SOX5: variants seen among roughly 807,000 people sequenced by gnomAD.
SOX5 encodes the protein SRY-box transcription factor 5, also known as transcription factor SOX-5.
SOX5 carries 9 observed loss-of-function variants against 92.0 expected under a neutral mutation model. That is an observed-to-expected ratio of 0.10 (90% CI 0.06 to 0.17). The LOEUF (loss-of-function observed/expected upper bound fraction) is 0.17. SOX5 is among the 10% of genes least tolerant of loss of function. SOX5 has a pLI of 1.00. For synonymous variants in SOX5, 344 were observed against 336.3 expected (o/e 1.02, Z -0.25); for missense variants, 642 against 944.5 (o/e 0.68, Z 4.20).
intron 9 of SOX5, among the ~76,000 whole-genome samples, chr12:23,603,182 T>G (rs1425601598): frequency 6.6e-6 from 1 of 151,862 alleles, no homozygotes; most frequent in South Asian, 2.1e-4. Flanking sequence ...GATTGATTGA[T>G]CCCTTCTCCT....
intron 1 of SOX5, among the ~76,000 whole-genome samples, chr12:24,541,965 C>A (rs886771635): frequency 1.3e-5 from 2 of 152,182 alleles, no homozygotes; most frequent in Non-Finnish European, 2.9e-5. Flanking sequence ...GACAACATTT[C>A]TTACTTAGGC....
chr12:24,076,411 CA>C (rs978743760), intron 4 of SOX5, among the ~76,000 whole-genome samples: 43 of 151,982 alleles, frequency 2.8e-4, no homozygotes, highest in African/African-American at 9.2e-4. Context: ...AGACTCTGAC[CA>C]AAAAAATCCA....
At chr12:23,968,608 C>G (rs538328124) in intron 4 of SOX5, among the ~76,000 whole-genome samples, 1 of 152,180 alleles carries the variant, frequency 6.6e-6, no homozygotes, top group African/African-American at 2.4e-5. Context: ...GATGCTGGCC[C>G]CTCAATCTTG....
At chr12:23,933,828 T>C (rs986163113) in intron 1 of SOX5, among the ~76,000 whole-genome samples, 5 of 151,390 alleles carry the variant, frequency 3.3e-5, no homozygotes, top group African/African-American at 7.3e-5. Flanking sequence ...GAGGTGGGAG[T>C]GCCCTCAATC....
At chr12:24,002,437 G>A (rs901854901) in intron 4 of SOX5, among the ~76,000 whole-genome samples, 15 of 152,114 alleles carry the variant, frequency 9.9e-5, no homozygotes, top group Admixed American at 7.9e-4. Context: ...ATTGAAAAAC[G>A]TGATGCTAAC....
intron 6 of SOX5, among the ~76,000 whole-genome samples, chr12:23,715,368 C>T (rs1363276064): frequency 6.6e-6 from 1 of 151,630 alleles, no homozygotes; most frequent in African/African-American, 2.4e-5. Context: ...GTTATTATAC[C>T]TAAGTATGAG....
chr12:24,450,001 T>G (rs1942033950), intron 1 of SOX5, among the ~76,000 whole-genome samples: 1 of 152,200 alleles, frequency 6.6e-6, no homozygotes, highest in Non-Finnish European at 1.5e-5. Flanking sequence ...ACCTTTCTTT[T>G]GACACACTCT....
intron 4 of SOX5, among the ~76,000 whole-genome samples, chr12:24,097,302 T>C (rs970406688): frequency 6.6e-6 from 1 of 152,188 alleles, no homozygotes. Flanking sequence ...TGCAAATACT[T>C]TCTCCCACTC....
In SOX5 at chr12:23,895,800, T is replaced by C. The variant is rs1197965504; in HGVS notation, c.263A>G (p.Asn88Ser). 6 of 1,607,682 alleles carry C rather than the reference T, an allele frequency of 3.7e-6. No homozygotes were observed. The highest frequency in any genetic ancestry group is 5.1e-6 in the Non-Finnish European group (6 of 1,174,174). The change falls in exon 2 of 15, where the codon AAT becomes AGT. Residue 88 changes from asparagine to serine, a missense_variant. By Grantham distance (46) the Asn-to-Ser change is conservative (BLOSUM62 1). Coordinates refer to ENST00000451604, the MANE Select transcript of SOX5 (RefSeq NM_006940.6). Reference protein sequence around the residue: ...CGHRTPTSQHNTMEVDGNKVM... With the variant: ...CGHRTPTSQHSTMEVDGNKVM... ...AAACCATGAGAAACCTACCATTGTATTGTGCTGAGAAGTGGGAGTCCTATG... is the reference window on the plus strand; with the variant it reads ...AAACCATGAGAAACCTACCATTGTACTGTGCTGAGAAGTGGGAGTCCTATG...
chr12:23,806,694 G>A (rs555317126), intron 3 of SOX5, among the ~76,000 whole-genome samples: 10 of 150,172 alleles, frequency 6.7e-5, no homozygotes, highest in Non-Finnish European at 1.2e-4. Context: ...AGTTGCAGTC[G>A]TTTTTGGCTT....
At chr12:24,143,837 A>G (rs1313522087) in intron 4 of SOX5, among the ~76,000 whole-genome samples, 2 of 151,468 alleles carry the variant, frequency 1.3e-5, no homozygotes, top group East Asian at 3.9e-4. Context: ...AAAGAGGAGG[A>G]GGAAGAGGAG....
At chr12:23,972,268 G>T (rs953562140) in intron 4 of SOX5, among the ~76,000 whole-genome samples, 3 of 152,104 alleles carry the variant, frequency 2.0e-5, no homozygotes, top group Non-Finnish European at 4.4e-5. Flanking sequence ...ACATTTCAGG[G>T]TATCAGATTA....
At chr12:24,359,363 C>G (rs1955245483) in intron 2 of SOX5, among the ~76,000 whole-genome samples, 1 of 152,190 alleles carries the variant, frequency 6.6e-6, no homozygotes, top group South Asian at 2.1e-4. Flanking sequence ...TTGCCGTTAT[C>G]TGATGGATGA....
At chr12:24,071,476 C>T (rs569196415) in intron 4 of SOX5, among the ~76,000 whole-genome samples, 11 of 152,132 alleles carry the variant, frequency 7.2e-5, no homozygotes, top group African/African-American at 2.7e-4. Flanking sequence ...ACTCTGTTGC[C>T]CAAGCTGGAG....
In SOX5 at chr12:24,458,062, C is replaced by T. The variant is rs143779479; in HGVS notation, c.-250-89423G>A. ...ATTTTTTTTTTTAGTATAAGTATGTCCCATGCAATATTTGTATTGTGCATG... is the reference window on the plus strand; with the variant it reads ...ATTTTTTTTTTTAGTATAAGTATGTTCCATGCAATATTTGTATTGTGCATG... On this transcript the variant is annotated intron_variant, in intron 1 of 4. Transcript: ENST00000446891. 3.4e-3 allele frequency among the ~76,000 whole-genome samples: 515 copies of T among 151,998 alleles called. 3 individuals carry two copies. The highest frequency in any genetic ancestry group is 0.011 in the African/African-American group (476 of 41,458).
At chr12:24,344,274 T>A (rs1952934888) in intron 2 of SOX5, among the ~76,000 whole-genome samples, 1 of 107,284 alleles carries the variant, frequency 9.3e-6, no homozygotes, top group African/African-American at 3.7e-5. Flanking sequence ...AGAGCAAGAC[T>A]CTGTCTCAAA....
chr12:23,791,150 G>T (rs562720298), intron 3 of SOX5, among the ~76,000 whole-genome samples: 3 of 152,158 alleles, frequency 2.0e-5, no homozygotes, highest in South Asian at 4.1e-4. Flanking sequence ...ATTACCACAG[G>T]TGTAGAAGAT....
intron 4 of SOX5, among the ~76,000 whole-genome samples, chr12:24,010,065 A>G (rs1007844030): frequency 6.6e-6 from 1 of 152,202 alleles, no homozygotes; most frequent in Non-Finnish European, 1.5e-5. Flanking sequence ...TTCAGTTTCC[A>G]TCAGTAGAAA....
chr12:24,269,839 ATTTTTTTTTTTT>A (rs56939628), intron 3 of SOX5, among the ~76,000 whole-genome samples: 2,233 of 62,156 alleles, frequency 0.036, 64 homozygotes, highest in African/African-American at 0.11. Flanking sequence ...CCACCATGCA[ATTTTTTTTTTTT>A]TTTTTTTTTT....
Sources: allele counts gnomAD v4.1 joint callset (sites outside exome capture counted in the v4.1 genomes callset), GRCh38; gene constraint gnomAD v4.1.1; transcripts MANE v1.5; gene names NCBI Gene and HGNC (gene_info 2026-07-23, HGNC 2026-07-21).